COMMD10: variants seen among roughly 807,000 people sequenced by gnomAD.
The protein encoded by COMMD10 is COMM domain containing 10.
In COMMD10, 33 loss-of-function variants were observed where a neutral mutation model predicts 28.9. The ratio of observed to expected loss-of-function variants is 1.14; its 90% CI spans 0.87 to 1.53. COMMD10 has a LOEUF of 1.53. COMMD10 is among the 40% of genes most tolerant of loss of function. COMMD10 has a pLI of 0.00. For missense variants in COMMD10, 310 were observed against 233.4 expected, an observed-to-expected ratio of 1.33 and a Z score of -2.14; for synonymous variants, 110 against 81.7, an observed-to-expected ratio of 1.35 and a Z score of -1.87.
chr5:116,180,572 TAGC>T (rs1444555448), intron 5 of COMMD10, among the ~76,000 whole-genome samples: 5 of 152,122 alleles, frequency 3.3e-5, no homozygotes, highest in Non-Finnish European at 5.9e-5. Context: ...AATTTTCTAT[TAGC>T]AGTTCATTCT....
intron 5 of COMMD10, among the ~76,000 whole-genome samples, chr5:116,203,277 A>C (rs1748719772): frequency 6.6e-6 from 1 of 152,178 alleles, no homozygotes; most frequent in Admixed American, 6.6e-5. Flanking sequence ...GTGTACCTGA[A>C]AGTGACAGGG....
intron 5 of COMMD10, among the ~76,000 whole-genome samples, chr5:116,286,555 G>T (rs771739164): frequency 6.6e-6 from 1 of 151,276 alleles, no homozygotes; most frequent in African/African-American, 2.4e-5. Flanking sequence ...TTGGCATGTT[G>T]TGTTTTCACT....
intron 5 of COMMD10, among the ~76,000 whole-genome samples, chr5:116,160,896 G>T (rs570287122): frequency 6.6e-6 from 1 of 152,112 alleles, no homozygotes; most frequent in African/African-American, 2.4e-5. Flanking sequence ...TGGTGAACCT[G>T]TGCTATTCTG....
chr5:116,186,329 C>T (rs956088813), intron 5 of COMMD10, among the ~76,000 whole-genome samples: 2 of 152,156 alleles, frequency 1.3e-5, no homozygotes, highest in Non-Finnish European at 2.9e-5. Context: ...AACAGCTTTC[C>T]CATTACCTTC....
chr5:116,226,888 G>T (rs1488841768), intron 5 of COMMD10, among the ~76,000 whole-genome samples: 1 of 152,060 alleles, frequency 6.6e-6, no homozygotes, highest in Non-Finnish European at 1.5e-5. Flanking sequence ...CATATGGTCA[G>T]ATTGCTGAGT....
chr5:116,142,012 T>C (rs1198894197), intron 5 of COMMD10, among the ~76,000 whole-genome samples: 2 of 151,840 alleles, frequency 1.3e-5, no homozygotes, highest in Non-Finnish European at 2.9e-5. Flanking sequence ...ACCAAAGCTG[T>C]ATGTGCTTAC....
At chr5:116,228,823 CTTAA>C (rs1580565433) in intron 5 of COMMD10, among the ~76,000 whole-genome samples, 1 of 151,910 alleles carries the variant, frequency 6.6e-6, no homozygotes, top group East Asian at 1.9e-4. Context: ...TTAACTGTTT[CTTAA>C]TTCAGTTTTT....
intron 5 of COMMD10, among the ~76,000 whole-genome samples, chr5:116,135,831 T>A (rs1248899916): frequency 6.6e-6 from 1 of 152,180 alleles, no homozygotes; most frequent in Non-Finnish European, 1.5e-5. Flanking sequence ...CCCCCCACAG[T>A]GGGCAGGGGG....
In COMMD10 at chr5:116,091,187, C is replaced by T; in HGVS notation, c.241C>T (p.Gln81Ter). The T allele has an allele frequency of 6.4e-7, 1 of 1,552,524 alleles. No individual in the cohort carries two copies. The highest frequency in any genetic ancestry group is 8.9e-7 in the Non-Finnish European group (1 of 1,128,518). Residue 81 changes from glutamine to a stop codon, truncating the protein, a stop_gained and splice_region_variant, in exon 3 of 7, where the codon CAG becomes TAG. Coordinates refer to ENST00000274458, the MANE Select transcript of COMMD10 (RefSeq NM_016144.4). LOFTEE classifies it high-confidence loss of function. The part of the protein sequence containing the change: ...VLETISFILE[Q>*]AVYHNVKPAA... ...TGAAACAATATCATTTATTTTAGAA[C>T]AGGTATTTTTATTGCATCAAATTTT...
chr5:116,085,335 G>C (rs1750057365), intron 1 of COMMD10: 7 of 520,678 alleles, frequency 1.3e-5, no homozygotes, highest in Non-Finnish European at 2.4e-5. Context: ...GCTGAGGTCT[G>C]TACGGAAGCG....
At chr5:116,245,169 T>C (rs1407909825) in intron 5 of COMMD10, among the ~76,000 whole-genome samples, 2 of 152,016 alleles carry the variant, frequency 1.3e-5, no homozygotes, top group African/African-American at 4.8e-5. Context: ...TAAGGGGCGA[T>C]TGCAACTGAC....
chr5:116,141,142 A>G (rs781565835), intron 5 of COMMD10, among the ~76,000 whole-genome samples: 2 of 151,402 alleles, frequency 1.3e-5, no homozygotes, highest in African/African-American at 2.4e-5. Flanking sequence ...TTGTTTTCAC[A>G]TGGATATTCA....
At chr5:116,166,699 A>G (rs993491171) in intron 5 of COMMD10, among the ~76,000 whole-genome samples, 10 of 152,158 alleles carry the variant, frequency 6.6e-5, no homozygotes, top group Non-Finnish European at 1.3e-4. Context: ...ACCCAGGCAA[A>G]CAGGGTCTGG....
chr5:116,264,539 G>C (rs980629879), intron 5 of COMMD10, among the ~76,000 whole-genome samples: 1 of 151,686 alleles, frequency 6.6e-6, no homozygotes, highest in African/African-American at 2.4e-5. Flanking sequence ...TGATGCGAGC[G>C]CATTAACTAC....
intron 5 of COMMD10, among the ~76,000 whole-genome samples, chr5:116,210,091 CTTTTTA>C (rs1748919794): frequency 6.6e-6 from 1 of 152,022 alleles, no homozygotes; most frequent in South Asian, 2.1e-4. Flanking sequence ...CAAACTTATT[CTTTTTA>C]TAACTACCTA....
chr5:116,197,130 G>C (rs1459570738), intron 5 of COMMD10, among the ~76,000 whole-genome samples: 2 of 151,884 alleles, frequency 1.3e-5, no homozygotes, highest in Non-Finnish European at 2.9e-5. Flanking sequence ...TTAATGTGGG[G>C]TTGCCTCATC....
chr5:116,203,049 G>A (rs1419018364), intron 5 of COMMD10, among the ~76,000 whole-genome samples: 1 of 151,904 alleles, frequency 6.6e-6, no homozygotes, highest in Non-Finnish European at 1.5e-5. Context: ...AATCCATCTT[G>A]AATTGATTTT....
At chr5:116,206,725 G>A (rs1748823450) in intron 5 of COMMD10, among the ~76,000 whole-genome samples, 1 of 152,094 alleles carries the variant, frequency 6.6e-6, no homozygotes, top group African/African-American at 2.4e-5. Context: ...GAATATTCTT[G>A]GAGAATATAA....
At position 116,182,455 on chromosome 5, in the gene COMMD10, C is replaced by CA. The variant is rs35523877; in HGVS notation, c.510+48286dup. On this transcript the variant is annotated intron_variant, in intron 5 of 6. Coordinates refer to ENST00000274458, the MANE Select transcript of COMMD10 (RefSeq NM_016144.4). ...CTCAGCTGTTTTGAGAGAGTTTGAG[C>CA]AAAAAAAAAGTCAGTTGAGGTGATT... 4.1e-5 allele frequency among the ~76,000 whole-genome samples: 6 copies of CA among 147,652 alleles called. 1 individual carries two copies. The East Asian group carries it at 6.0e-4, about 15-fold the overall frequency.
Sources: gnomAD v4.1 joint callset for allele counts (sites outside exome capture counted in the v4.1 genomes callset) on GRCh38, gnomAD v4.1.1 for gene constraint, MANE v1.5 for transcripts, NCBI Gene and HGNC (gene_info 2026-07-23, HGNC 2026-07-21) for gene names.